HHAT: variants seen among roughly 807,000 people sequenced by gnomAD.
HHAT encodes the protein hedgehog acyltransferase, also known as protein-cysteine N-palmitoyltransferase HHAT.
HHAT carries 47 observed loss-of-function variants against 70.8 expected under a neutral mutation model. The observed-to-expected ratio is 0.66, with a 90% CI of 0.53 to 0.85. The LOEUF is 0.85. HHAT is among the 40% of genes least tolerant of loss of function. The pLI is 0.00. For missense variants in HHAT, 609 were observed against 604.8 expected (o/e 1.01, Z -0.07); for synonymous variants, 228 against 247.6 (o/e 0.92, Z 0.74).
chr1:210,558,384 C>T (rs2095591876), intron 9 of HHAT, among the ~76,000 whole-genome samples: 1 of 152,154 alleles, frequency 6.6e-6, no homozygotes, highest in African/African-American at 2.4e-5. Flanking sequence ...AAGAGGGGCA[C>T]CCTGTGCTTC....
intron 3 of HHAT, among the ~76,000 whole-genome samples, chr1:210,376,562 A>G (rs2090235767): frequency 6.6e-6 from 1 of 152,144 alleles, no homozygotes; most frequent in Non-Finnish European, 1.5e-5. Flanking sequence ...GAAGTAATGG[A>G]CTGTGGGGGA....
intron 8 of HHAT, among the ~76,000 whole-genome samples, chr1:210,507,679 T>G (rs2094884431): frequency 6.6e-6 from 1 of 151,858 alleles, no homozygotes; most frequent in East Asian, 1.9e-4. Context: ...ATTTCTAGAG[T>G]TCATTGCATT....
intron 9 of HHAT, among the ~76,000 whole-genome samples, chr1:210,563,788 G>A (rs556378107): frequency 6.6e-6 from 1 of 152,280 alleles, no homozygotes; most frequent in East Asian, 1.9e-4. Context: ...CCTCCAGGGT[G>A]TACCCCTCAC....
At chr1:210,608,993 T>A (rs1458608037) in intron 10 of HHAT, among the ~76,000 whole-genome samples, 1 of 152,108 alleles carries the variant, frequency 6.6e-6, no homozygotes, top group Admixed American at 6.5e-5. Context: ...GAGCCCCTTA[T>A]AAAACCGTCA....
chr1:210,344,958 G>A (rs2086385447), intron 1 of HHAT, among the ~76,000 whole-genome samples: 1 of 152,034 alleles, frequency 6.6e-6, no homozygotes. Context: ...ACCCCATGCC[G>A]CAACTTGCTT....
intron 7 of HHAT, among the ~76,000 whole-genome samples, chr1:210,438,695 T>G (rs988740702): frequency 5.9e-5 from 9 of 151,832 alleles, no homozygotes; most frequent in African/African-American, 2.2e-4. Flanking sequence ...TCATGGTGGC[T>G]TAAGTTAAGC....
chr1:210,384,980 A>G (rs2090930432), intron 3 of HHAT, among the ~76,000 whole-genome samples: 1 of 152,108 alleles, frequency 6.6e-6, no homozygotes, highest in South Asian at 2.1e-4. Context: ...AGACATTTTT[A>G]TTTCCTTTAA....
intron 2 of HHAT, among the ~76,000 whole-genome samples, chr1:210,358,339 C>T (rs2087876877): frequency 6.6e-6 from 1 of 152,244 alleles, no homozygotes; most frequent in South Asian, 2.1e-4. Context: ...GGCAGATGAG[C>T]AGCCCCATTT....
intron 11 of HHAT, among the ~76,000 whole-genome samples, chr1:210,659,526 C>G (rs547159832): frequency 1.3e-3 from 193 of 152,262 alleles, no homozygotes; most frequent in African/African-American, 4.5e-3. Flanking sequence ...TGAAACTATT[C>G]CAATCAATAG....
At chr1:210,376,358 C>T (rs935016957) in intron 3 of HHAT, among the ~76,000 whole-genome samples, 5 of 152,108 alleles carry the variant, frequency 3.3e-5, no homozygotes, top group Non-Finnish European at 7.3e-5. Context: ...TTCACAATCC[C>T]CTTACATTCG....
At chr1:210,462,436 T>G (rs2148431654) in intron 7 of HHAT, 1 of 152,374 alleles carries the variant, frequency 6.6e-6, no homozygotes. Flanking sequence ...CATTGCCATC[T>G]CAGCCAGTGA....
At chr1:210,502,507 A>ATCTG (rs1262799350) in intron 8 of HHAT, among the ~76,000 whole-genome samples, 2 of 152,136 alleles carry the variant, frequency 1.3e-5, no homozygotes, top group Non-Finnish European at 2.9e-5. Context: ...TAGTGAGGCA[A>ATCTG]TCTGAGTTTA....
intron 11 of HHAT, among the ~76,000 whole-genome samples, chr1:210,673,387 G>A (rs1489270259): frequency 6.6e-6 from 1 of 151,996 alleles, no homozygotes; most frequent in Non-Finnish European, 1.5e-5. Flanking sequence ...GATGATGACG[G>A]TGATTTTTGT....
chr1:210,580,475 T>C (rs1264298348), intron 9 of HHAT, among the ~76,000 whole-genome samples: 1 of 149,008 alleles, frequency 6.7e-6, no homozygotes, highest in East Asian at 2.0e-4. Flanking sequence ...ACCTGTCCTC[T>C]AAGTTCCCTC....
intron 10 of HHAT, among the ~76,000 whole-genome samples, chr1:210,617,345 T>C (rs923248523): frequency 6.6e-6 from 1 of 152,230 alleles, no homozygotes; most frequent in African/African-American, 2.4e-5. Flanking sequence ...AGTGAAGAAA[T>C]ATCAAAGCAT....
chr1:210,391,255 A>T (rs1041783355), intron 4 of HHAT, among the ~76,000 whole-genome samples: 1 of 152,346 alleles, frequency 6.6e-6, no homozygotes, highest in African/African-American at 2.4e-5. Context: ...ACTAGAAAGT[A>T]TACATATACT....
intron 3 of HHAT, among the ~76,000 whole-genome samples, chr1:210,373,972 C>G (rs2089840497): frequency 1.3e-5 from 2 of 152,118 alleles, no homozygotes. Context: ...CAGATGTCAC[C>G]AGGGAAAGTT....
chr1:210,374,903 C>T (rs1369538906), intron 3 of HHAT, among the ~76,000 whole-genome samples: 1 of 151,812 alleles, frequency 6.6e-6, no homozygotes, highest in African/African-American at 2.4e-5. Flanking sequence ...AGCACAGTAC[C>T]CAGTAGTTAG....
At chr1:210,484,937 T>C (rs1245940770) in intron 8 of HHAT, among the ~76,000 whole-genome samples, 1 of 152,134 alleles carries the variant, frequency 6.6e-6, no homozygotes. Context: ...ATCACCTTTT[T>C]TCCCTCTGTG....
Sources: gnomAD v4.1 joint callset for allele counts (sites outside exome capture counted in the v4.1 genomes callset) on GRCh38, gnomAD v4.1.1 for gene constraint, MANE v1.5 for transcripts, NCBI Gene and HGNC (gene_info 2026-07-23, HGNC 2026-07-21) for gene names.